Variants in ZNF581 observed in about 807,000 individuals in gnomAD.
ZNF581 encodes the protein zinc finger protein 581.
ZNF581 carries 1 observed loss-of-function variant against 1.2 expected under a neutral mutation model. The observed-to-expected ratio is 0.83, with a 90% CI of 0.30 to 3.95. The LOEUF is 3.95. Ranked by LOEUF, ZNF581 falls within the 30% of genes most tolerant of loss-of-function variation. The pLI is 0.18. For synonymous variants in ZNF581, 105 were observed against 109.2 expected (o/e 0.96, Z 0.24); for missense variants, 273 against 274.6 (o/e 0.99, Z 0.04).
upstream of ZNF581, among the ~76,000 whole-genome samples, chr19:55,639,487 A>T (rs950699438): frequency 6.6e-6 from 1 of 152,124 alleles, no homozygotes; most frequent in Non-Finnish European, 1.5e-5. Flanking sequence ...TTTAAAAAGT[A>T]CCTTGTGTCC....
chr19:55,644,412 G>GAGCGGGACTGGAAA lies in ZNF581; in HGVS notation c.-19-138_-19-125dup. On this transcript the variant is annotated intron_variant, in intron 1 of 1. Transcript: ENST00000270451. The surrounding 1 kb of genome is among the most constrained non-coding windows in gnomAD (Gnocchi z 4.3). The stretch of plus-strand genomic sequence containing the variant: ...TTAGGGGGCCACAGACTCCAGCTGT[G>GAGCGGGACTGGAAA]AGCGGGACTGGAAAAGAGGGACTGA... 2 of 620,850 alleles carry GAGCGGGACTGGAAA rather than the reference G, an allele frequency of 3.2e-6. No homozygotes were observed. Among genetic ancestry groups the GAGCGGGACTGGAAA allele is most frequent in the Non-Finnish European group, 5.6e-6 (2 of 357,984 alleles). The allele number at this position is 620,850 out of a possible 1,614,324, so 38.5% of individuals were successfully genotyped here. A position where few individuals can be genotyped will look rare whatever the true frequency, so the allele number is the denominator to read the frequency against.
In ZNF581 at chr19:55,644,762, C is replaced by T. The variant is rs758222920; in HGVS notation, c.191C>T (p.Thr64Ile). The part of the protein sequence containing the change: ...LLIDTQGVPY[T>I]VLVDEESQRE... ...ATTGACACTCAGGGTGTCCCCTACA[C>T]AGTGCTGGTGGACGAGGAGTCACAG... is the stretch of plus-strand genomic sequence containing the variant. Residue 64 changes from threonine to isoleucine, a missense_variant, in exon 2 of 2, where the codon ACA (threonine) becomes ATA (isoleucine). Transcript: ENST00000270451. This position sits in a 1 kb window ranked among gnomAD's most constrained non-coding sequence, Gnocchi z 4.3. The T allele has an allele frequency of 1.2e-6, 2 of 1,614,122 alleles. 1 individual carries two copies. The highest frequency in any genetic ancestry group is 1.7e-6 in the Non-Finnish European group (2 of 1,179,972).
Position 55,644,928 on chromosome 19 carries a change from C to A in ZNF581, c.357C>A (p.Ile119=), listed in dbSNP as rs576438017. The change falls in exon 2 of 2, where the codon ATC becomes ATA. Residue 119 remains isoleucine (I), a synonymous_variant. Coordinates refer to ENST00000270451, the MANE Select transcript of ZNF581 (RefSeq NM_016535.4). This position sits in a 1 kb window ranked among gnomAD's most constrained non-coding sequence, Gnocchi z 4.3. ...AGGTAAAGCCCTTCGAGTGTGACAT[C>A]TGTGGGAAGGCATTCAAGCGCGCCA... ...HSEVKPFECD[I]CGKAFKRASH... 4.3e-6 allele frequency: 7 copies of A among 1,613,788 alleles called. No individual in the cohort carries two copies. In the East Asian group the frequency reaches 1.6e-4, roughly 36 times the overall value.
At chr19:55,642,393 C>G, upstream of ZNF581, 1 of 1,321,338 alleles carries the variant, frequency 7.6e-7, no homozygotes, top group Non-Finnish European at 9.7e-7. Context: ...GTCAGTGGCG[C>G]ACAAAGGGTA....
chr19:55,639,035 A>T (rs1982276991), upstream of ZNF581, among the ~76,000 whole-genome samples: 1 of 151,558 alleles, frequency 6.6e-6, no homozygotes, highest in Non-Finnish European at 1.5e-5. Flanking sequence ...GAAAAAAAAA[A>T]GATTTGGAGG....
rs373139015 is a variant in ZNF581 at position 55,644,525 on chromosome 19, C to G, written c.-19-28C>G. On this transcript the variant is annotated intron_variant, in intron 1 of 1. Transcript: ENST00000270451. This position sits in a 1 kb window ranked among gnomAD's most constrained non-coding sequence, Gnocchi z 4.3. ...TGCTGAGCTGCCCTCTTCTATATAA[C>G]CTTCTTATCCCATCTCCCATCCACC... 7.0e-7 allele frequency: 1 copy of G among 1,427,672 alleles called. No homozygotes were observed. The highest frequency in any genetic ancestry group is 1.3e-5 in the South Asian group (1 of 74,328). The allele number at this position is 1,427,672 out of a possible 1,614,324, so 88.4% of individuals were successfully genotyped here. A position where few individuals can be genotyped will look rare whatever the true frequency, so the allele number is the denominator to read the frequency against.
upstream of ZNF581, among the ~76,000 whole-genome samples, chr19:55,636,258 G>T (rs1352653195): frequency 6.6e-6 from 1 of 152,202 alleles, no homozygotes; most frequent in Admixed American, 6.5e-5. Flanking sequence ...AGGTGAGAAG[G>T]AAGGGGCCAG....
chr19:55,640,635 G>T (rs10420566), upstream of ZNF581: 1 of 985,318 alleles, frequency 1.0e-6, no homozygotes, highest in African/African-American at 1.7e-5. Flanking sequence ...CCAATGGCTG[G>T]TCTCTGGACC....
upstream of ZNF581, chr19:55,640,854 G>A (rs1045305454): frequency 2.0e-6 from 2 of 985,408 alleles, no homozygotes. Context: ...GGAGGTGGGA[G>A]GGGAGCGGGG....
At chr19:55,642,547 C>G, upstream of ZNF581, 1 of 1,451,000 alleles carries the variant, frequency 6.9e-7, no homozygotes, top group Admixed American at 2.7e-5. Flanking sequence ...ACCCTCGGTC[C>G]TCCTCTCCGG....
upstream of ZNF581, among the ~76,000 whole-genome samples, chr19:55,637,195 G>T (rs188093234): frequency 2.6e-5 from 4 of 152,218 alleles, no homozygotes; most frequent in Admixed American, 2.0e-4. Flanking sequence ...TTAAGTCAGG[G>T]AATGATTCTG....
rs1459939022 is a variant in ZNF581 at position 55,644,868 on chromosome 19, G to A, written c.297G>A (p.Met99Ile). ...TGTGCTCAAGGGTCTTCGAGTACAT[G>A]TCCTACCTTCAGCGACACAGCATCA... ...CPVCSRVFEYMSYLQRHSITH... is the reference protein window; with the variant it reads ...CPVCSRVFEYISYLQRHSITH... The change falls in exon 2 of 2, where the codon ATG becomes ATA. Residue 99 changes from methionine (M) to isoleucine (I), a missense_variant. By Grantham distance (10) the Met-to-Ile change is conservative (BLOSUM62 1). Coordinates refer to ENST00000270451, the MANE Select transcript of ZNF581 (RefSeq NM_016535.4). The surrounding 1 kb of genome is among the most constrained non-coding windows in gnomAD (Gnocchi z 4.3). The A allele has an allele frequency of 1.9e-6, 3 of 1,613,792 alleles. No individual in the cohort carries two copies. The highest frequency in any genetic ancestry group is 2.5e-6 in the Non-Finnish European group (3 of 1,179,676).
At chr19:55,643,335 C>T (rs560900957), upstream of ZNF581, 8 of 360,650 alleles carry the variant, frequency 2.2e-5, no homozygotes, top group Non-Finnish European at 1.6e-5. Flanking sequence ...GTTTTCTGCT[C>T]TCTGGAGCGG....
upstream of ZNF581, chr19:55,642,922 T>C (rs888878981): frequency 2.5e-5 from 37 of 1,508,098 alleles, no homozygotes; most frequent in Non-Finnish European, 2.9e-5. Flanking sequence ...TGTCGCGGCA[T>C]CGCGCCACGC....
chr19:55,637,515 C>T (rs1330925205), upstream of ZNF581, among the ~76,000 whole-genome samples: 3 of 151,830 alleles, frequency 2.0e-5, no homozygotes, highest in East Asian at 3.9e-4. Context: ...CAAGCCTGGG[C>T]GACAGAGTGA....
chr19:55,637,439 A>G (rs1469288446), upstream of ZNF581, among the ~76,000 whole-genome samples: 6 of 152,088 alleles, frequency 3.9e-5, no homozygotes, highest in Non-Finnish European at 8.8e-5. Flanking sequence ...CAGGAGGCTG[A>G]GGCGGGAGAA....
At chr19:55,642,093 C>T, upstream of ZNF581, 1 of 994,576 alleles carries the variant, frequency 1.0e-6, no homozygotes, top group Non-Finnish European at 1.2e-6. Context: ...AAAGAAGAAA[C>T]CACAGATTAG....
At chr19:55,640,949 G>A (rs997190322), upstream of ZNF581, 2 of 985,234 alleles carry the variant, frequency 2.0e-6, no homozygotes, top group Non-Finnish European at 2.4e-6. Context: ...GGGTGGGAGC[G>A]CCGGCTCCAG....
upstream of ZNF581, among the ~76,000 whole-genome samples, chr19:55,639,014 A>AG (rs1405176815): frequency 6.6e-6 from 1 of 150,724 alleles, no homozygotes. Flanking sequence ...TCCAAAAAAA[A>AG]AAAAAAAAAA....
Sources: gnomAD v4.1 joint callset for allele counts (sites outside exome capture counted in the v4.1 genomes callset) on GRCh38, gnomAD v4.1.1 for gene constraint, Gnocchi (gnomAD v3.1) non-coding constraint, MANE v1.5 for transcripts, NCBI Gene and HGNC (gene_info 2026-07-23, HGNC 2026-07-21) for gene names.